Variants in KCTD8 observed in about 807,000 individuals in gnomAD.
KCTD8 encodes the protein potassium channel tetramerization domain containing 8.
In KCTD8, 27 loss-of-function variants were observed where a neutral mutation model predicts 31.5. The ratio of observed to expected loss-of-function variants is 0.86; its 90% CI spans 0.63 to 1.18. The LOEUF (loss-of-function observed/expected upper bound fraction) is 1.18, where lower values mean the gene tolerates loss of function less well. KCTD8 is among the 50% of genes most tolerant of loss of function. The probability of loss-of-function intolerance (pLI) is 0.00; values close to 1 mark genes in which losing one functional copy is unlikely to be tolerated. For missense variants in KCTD8, 658 were observed against 647.7 expected (o/e 1.02, Z -0.17); for synonymous variants, 290 against 280.0 (o/e 1.04, Z -0.36).
At chr4:44,233,352 A>G (rs747797704) in intron 1 of KCTD8, among the ~76,000 whole-genome samples, 1 of 152,146 alleles carries the variant, frequency 6.6e-6, no homozygotes, top group Non-Finnish European at 1.5e-5. Flanking sequence ...TTCAATTTAG[A>G]GCGTTTCCGT....
intron 1 of KCTD8, among the ~76,000 whole-genome samples, chr4:44,197,010 G>A (rs1473186370): frequency 1.3e-5 from 2 of 152,172 alleles, no homozygotes; most frequent in Non-Finnish European, 2.9e-5. Context: ...CTAGCCAGGT[G>A]GAACTTGCTA....
At chr4:44,319,011 G>A (rs1453977726) in intron 1 of KCTD8, among the ~76,000 whole-genome samples, 1 of 152,170 alleles carries the variant, frequency 6.6e-6, no homozygotes, top group Admixed American at 6.5e-5. Context: ...AATGAAGGAT[G>A]CGGACGCAAT....
intron 1 of KCTD8, among the ~76,000 whole-genome samples, chr4:44,214,472 T>C (rs1714589368): frequency 6.6e-6 from 1 of 152,156 alleles, no homozygotes; most frequent in African/African-American, 2.4e-5. Flanking sequence ...AACCTGTACA[T>C]ACAGTAATAA....
chr4:44,350,348 C>T (rs1719165477), intron 1 of KCTD8, among the ~76,000 whole-genome samples: 1 of 152,156 alleles, frequency 6.6e-6, no homozygotes, highest in South Asian at 2.1e-4. Context: ...TTAGCCAAAA[C>T]TAGAACTAAA....
intron 1 of KCTD8, among the ~76,000 whole-genome samples, chr4:44,186,204 C>T (rs879478486): frequency 3.3e-5 from 5 of 152,192 alleles, no homozygotes; most frequent in Non-Finnish European, 7.3e-5. Context: ...CACCGACAGG[C>T]ACTGGCAGAC....
chr4:44,260,984 C>T (rs1354530504), intron 1 of KCTD8, among the ~76,000 whole-genome samples: 2 of 151,874 alleles, frequency 1.3e-5, no homozygotes, highest in African/African-American at 2.4e-5. Context: ...ATGAAAGTAA[C>T]GTAATAAATG....
chr4:44,215,191 C>G (rs1373846844), intron 1 of KCTD8, among the ~76,000 whole-genome samples: 1 of 152,158 alleles, frequency 6.6e-6, no homozygotes, highest in African/African-American at 2.4e-5. Flanking sequence ...CTGGCCTGGT[C>G]TCCTGTACAG....
intron 1 of KCTD8, among the ~76,000 whole-genome samples, chr4:44,290,303 C>T (rs1717231811): frequency 1.3e-5 from 2 of 152,040 alleles, no homozygotes; most frequent in Admixed American, 1.3e-4. Flanking sequence ...TTAGTGCACC[C>T]AGATTCATAA....
At chr4:44,189,111 T>G (rs1196923520) in intron 1 of KCTD8, among the ~76,000 whole-genome samples, 1 of 152,182 alleles carries the variant, frequency 6.6e-6, no homozygotes, top group African/African-American at 2.4e-5. Context: ...TTAACTGTTC[T>G]ATTAAAATAA....
At chr4:44,216,611 G>A (rs1389673273) in intron 1 of KCTD8, among the ~76,000 whole-genome samples, 1 of 152,054 alleles carries the variant, frequency 6.6e-6, no homozygotes, top group Non-Finnish European at 1.5e-5. Context: ...TTTCACTTCA[G>A]GATGAGACAA....
intron 1 of KCTD8, among the ~76,000 whole-genome samples, chr4:44,291,560 T>C (rs1717273990): frequency 6.6e-6 from 1 of 152,090 alleles, no homozygotes; most frequent in Non-Finnish European, 1.5e-5. Flanking sequence ...GACATTGATC[T>C]TGGCTAAGAA....
chr4:44,442,034 T>C (rs1721822009), intron 1 of KCTD8, among the ~76,000 whole-genome samples: 1 of 152,128 alleles, frequency 6.6e-6, no homozygotes, highest in South Asian at 2.1e-4. Context: ...CAAAAAAAGA[T>C]AGCATATAAA....
At chr4:44,282,685 T>G (rs1015958639) in intron 1 of KCTD8, among the ~76,000 whole-genome samples, 1 of 152,028 alleles carries the variant, frequency 6.6e-6, no homozygotes, top group Admixed American at 6.6e-5. Flanking sequence ...AGTGAACACA[T>G]GAGTGAAAAG....
intron 1 of KCTD8, among the ~76,000 whole-genome samples, chr4:44,330,747 C>T (rs188755607): frequency 6.6e-6 from 1 of 151,936 alleles, no homozygotes; most frequent in Admixed American, 6.6e-5. Context: ...ATATGTAAAG[C>T]TCAAAGCAGA....
intron 1 of KCTD8, among the ~76,000 whole-genome samples, chr4:44,422,621 A>G (rs1425158139): frequency 6.6e-6 from 1 of 152,148 alleles, no homozygotes; most frequent in Admixed American, 6.6e-5. Flanking sequence ...CAGAAATAGT[A>G]CAACTTGCAG....
chr4:44,177,873 T>C (rs1241434807), intron 1 of KCTD8, among the ~76,000 whole-genome samples: 1 of 152,182 alleles, frequency 6.6e-6, no homozygotes, highest in Non-Finnish European at 1.5e-5. Context: ...TATTAAATGT[T>C]ATTAAATGTC....
intron 1 of KCTD8, among the ~76,000 whole-genome samples, chr4:44,301,341 A>G (rs1046774139): frequency 6.6e-6 from 1 of 152,088 alleles, no homozygotes; most frequent in Admixed American, 6.5e-5. Flanking sequence ...CAACAGTGTA[A>G]AAGTGTTCCT....
intron 1 of KCTD8, among the ~76,000 whole-genome samples, chr4:44,348,680 A>G (rs542671114): frequency 2.0e-5 from 3 of 152,338 alleles, no homozygotes; most frequent in South Asian, 4.1e-4. Flanking sequence ...TAAAGTCTAC[A>G]CACATGATTC....
At chr4:44,192,328 T>A (rs1713788036) in intron 1 of KCTD8, among the ~76,000 whole-genome samples, 2 of 152,012 alleles carry the variant, frequency 1.3e-5, no homozygotes, top group African/African-American at 2.4e-5. Context: ...ACTAACAGGG[T>A]CATGTGCCCA....
Sources: allele counts gnomAD v4.1 joint callset (sites outside exome capture counted in the v4.1 genomes callset), GRCh38; gene constraint gnomAD v4.1.1; transcripts MANE v1.5; gene names NCBI Gene and HGNC (gene_info 2026-07-23, HGNC 2026-07-21).